Variants in RHOBTB2 observed in about 807,000 individuals in gnomAD.
RHOBTB2 encodes the protein rho-related BTB domain-containing protein 2.
In RHOBTB2, 39 loss-of-function variants were observed where a neutral mutation model predicts 66.5. The ratio of observed to expected loss-of-function variants is 0.59; its 90% CI spans 0.45 to 0.77. The LOEUF is 0.77. Ranked by LOEUF, RHOBTB2 falls within the 30% of genes least tolerant of loss-of-function variation. The pLI is 0.00. For missense variants in RHOBTB2, 755 were observed against 999.1 expected (o/e 0.76, Z 3.29); for synonymous variants, 390 against 395.0 (o/e 0.99, Z 0.15).
upstream of RHOBTB2, among the ~76,000 whole-genome samples, chr8:22,983,170 G>A (rs892608543): frequency 6.6e-6 from 1 of 152,140 alleles, no homozygotes; most frequent in African/African-American, 2.4e-5. Flanking sequence ...ACTGTCTTGA[G>A]GATGGGGAGG....
chr8:22,988,068 G>A (rs1230773409), intron 1 of RHOBTB2, among the ~76,000 whole-genome samples: 3 of 151,792 alleles, frequency 2.0e-5, no homozygotes, highest in South Asian at 2.1e-4. Flanking sequence ...ATAAAGGGCC[G>A]CCTAGGCCCT....
chr8:22,961,915 T>A, the RHOBTB2 span, among the ~76,000 whole-genome samples: 526 of 152,074 alleles, frequency 3.5e-3, 2 homozygotes, highest in African/African-American at 0.012. Flanking sequence ...ATTTTAAAAA[T>A]TGTGAATAAA....
the RHOBTB2 span, among the ~76,000 whole-genome samples, chr8:22,970,082 T>C: frequency 6.6e-6 from 1 of 152,200 alleles, no homozygotes; most frequent in Non-Finnish European, 1.5e-5. Context: ...ACTGTCTCAG[T>C]CCATTTGTCC....
the RHOBTB2 span, among the ~76,000 whole-genome samples, chr8:22,962,130 C>T: frequency 7.9e-6 from 1 of 126,116 alleles, no homozygotes; most frequent in Non-Finnish European, 1.6e-5. Flanking sequence ...CACTGCACTC[C>T]AGTCTGGGCC....
Position 23,005,363 on chromosome 8 carries a change from C to T in RHOBTB2, c.193-9C>T, listed in dbSNP as rs770917638. 39 of 1,606,566 alleles carry T rather than the reference C, an allele frequency of 2.4e-5. No individual in the cohort carries two copies. Among genetic ancestry groups the T allele is most frequent in the South Asian group, 1.8e-4 (16 of 90,890 alleles). On this transcript the variant is annotated splice_polypyrimidine_tract_variant and intron_variant, in intron 2 of 9. Coordinates refer to ENST00000251822, the MANE Select transcript of RHOBTB2 (RefSeq NM_015178.3). ...GCCTTCGAGTCCCACTCTTCCTCCC[C>T]GTCCCCAGGTGCTGGAACGCTCCCG...
the RHOBTB2 span, among the ~76,000 whole-genome samples, chr8:22,978,697 C>G: frequency 6.6e-6 from 1 of 151,530 alleles, no homozygotes; most frequent in Non-Finnish European, 1.5e-5. Flanking sequence ...GTATTTATTT[C>G]CTTTCTAATA....
In RHOBTB2 at chr8:23,007,433, C is replaced by T; in HGVS notation, c.1188C>T (p.Ile396=). 6.2e-7 allele frequency: 1 copy of T among 1,614,126 alleles called. No homozygotes were observed. The highest frequency in any genetic ancestry group is 8.5e-7 in the Non-Finnish European group (1 of 1,180,030). The part of the protein sequence containing the change: ...LSSWSRAFVS[I]QEEMAEDPLT... ...CCTGGAGCCGAGCTTTTGTGAGCAT[C>T]CAGGAAGAGATGGCAGAAGATCCTC... The change falls in exon 5 of 10, where the codon ATC becomes ATT. Residue 396 remains isoleucine (I), a synonymous_variant. Transcript: ENST00000251822.
At chr8:23,002,486 G>GT (rs1810812798) in intron 1 of RHOBTB2, among the ~76,000 whole-genome samples, 1 of 152,308 alleles carries the variant, frequency 6.6e-6, no homozygotes, top group African/African-American at 2.4e-5. Flanking sequence ...GAGGTCAGGA[G>GT]TTTAAGACCA....
upstream of RHOBTB2, chr8:22,999,451 C>T: frequency 1.6e-6 from 1 of 636,932 alleles, no homozygotes. Context: ...AGCGGTGCTG[C>T]GAGGCGGGAT....
chr8:22,958,367 G>A, the RHOBTB2 span, among the ~76,000 whole-genome samples: 8 of 152,162 alleles, frequency 5.3e-5, no homozygotes, highest in Non-Finnish European at 1.2e-4. Context: ...ACTTTTGTTT[G>A]TTTCTTTAAA....
At chr8:22,994,566 T>C (rs1227769790), upstream of RHOBTB2, 3 of 1,550,360 alleles carry the variant, frequency 1.9e-6, no homozygotes, top group Non-Finnish European at 2.6e-6. Flanking sequence ...ACCAGGAGCC[T>C]GGAGGGAACA....
chr8:22,972,898 C>T, the RHOBTB2 span, among the ~76,000 whole-genome samples: 56 of 152,210 alleles, frequency 3.7e-4, no homozygotes, highest in South Asian at 1.0e-3. Flanking sequence ...CCTCCTCCTG[C>T]CTTTCTGAAT....
At chr8:22,963,186 T>A in the RHOBTB2 span, among the ~76,000 whole-genome samples, 1 of 152,192 alleles carries the variant, frequency 6.6e-6, no homozygotes, top group Non-Finnish European at 1.5e-5. Flanking sequence ...GAAAGCCTCT[T>A]GGAATTAAGA....
In RHOBTB2 at chr8:23,004,637, A is replaced by T; in HGVS notation, c.192+11A>T. 6.2e-7 allele frequency: 1 copy of T among 1,608,720 alleles called. No individual in the cohort carries two copies. Among genetic ancestry groups the T allele is most frequent in the Non-Finnish European group, 8.5e-7 (1 of 1,178,000 alleles). On this transcript the variant is annotated intron_variant, in intron 2 of 9. Coordinates refer to ENST00000251822, the MANE Select transcript of RHOBTB2 (RefSeq NM_015178.3). This position sits in a 1 kb window ranked among gnomAD's most constrained non-coding sequence, Gnocchi z 6.4. ...CGTGTGTGCCAGGAGGTAAGGCTGC[A>T]GGACTACCTGGCTGGGGGTCCACGC...
At position 23,005,464 on chromosome 8, in the gene RHOBTB2, T is replaced by C. The variant is rs766786297; in HGVS notation, c.285T>C (p.Phe95=). 9.9e-6 allele frequency: 16 copies of C among 1,612,852 alleles called. No individual in the cohort carries two copies. Among genetic ancestry groups the C allele is most frequent in the African/African-American group, 5.3e-5 (4 of 74,902 alleles). Residue 95 remains phenylalanine (F), a synonymous_variant, in exon 3 of 10, where the codon TTT becomes TTC. Transcript: ENST00000251822. ...TFGDHHKDRR[F]AYGRSDVVVL... is the part of the protein sequence containing the mutation. ...GAGACCACCACAAAGACCGTCGCTTTGCTTATGGGAGGTAGGGAAGGCCTC... is the reference window on the plus strand; with the variant it reads ...GAGACCACCACAAAGACCGTCGCTTCGCTTATGGGAGGTAGGGAAGGCCTC...
At chr8:23,012,506 G>A (rs960502652) in intron 7 of RHOBTB2, among the ~76,000 whole-genome samples, 1 of 152,238 alleles carries the variant, frequency 6.6e-6, no homozygotes, top group Non-Finnish European at 1.5e-5. Context: ...TTTAAGTTTT[G>A]TGACATATGC....
intron 7 of RHOBTB2, among the ~76,000 whole-genome samples, chr8:23,014,471 T>C (rs181064140): frequency 2.9e-3 from 440 of 152,332 alleles, no homozygotes; most frequent in African/African-American, 0.01. Flanking sequence ...AATTCCAATG[T>C]CCTCCTTCTC....
At chr8:22,954,891 G>T in the RHOBTB2 span, among the ~76,000 whole-genome samples, 3 of 152,200 alleles carry the variant, frequency 2.0e-5, no homozygotes, top group Non-Finnish European at 4.4e-5. Context: ...CAACACTTTG[G>T]GAGGCCGAGG....
intron 1 of RHOBTB2, among the ~76,000 whole-genome samples, chr8:22,991,362 T>G (rs1247014915): frequency 6.6e-6 from 1 of 152,152 alleles, no homozygotes; most frequent in Non-Finnish European, 1.5e-5. Flanking sequence ...GCATTTATTT[T>G]TACAGAAATC....
Sources: gnomAD v4.1 joint callset for allele counts (sites outside exome capture counted in the v4.1 genomes callset) on GRCh38, gnomAD v4.1.1 for gene constraint, Gnocchi (gnomAD v3.1) non-coding constraint, MANE v1.5 for transcripts, NCBI Gene and HGNC (gene_info 2026-07-23, HGNC 2026-07-21) for gene names.